DPP10: variants seen among roughly 807,000 people sequenced by gnomAD.
DPP10 encodes inactive dipeptidyl peptidase 10.
DPP10 carries 33 observed loss-of-function variants against 120.9 expected under a neutral mutation model. That is an observed-to-expected ratio of 0.27 (90% CI 0.21 to 0.37). DPP10 has a LOEUF of 0.37. Ranked by LOEUF, DPP10 falls within the 10% of genes least tolerant of loss-of-function variation. The pLI, the probability that DPP10 is intolerant of heterozygous loss-of-function variation, is 1.00. For synonymous variants in DPP10, 337 were observed against 326.1 expected, an observed-to-expected ratio of 1.03 and a Z score of -0.36; for missense variants, 816 against 942.8, an observed-to-expected ratio of 0.87 and a Z score of 1.76.
At chr2:115,134,489 G>A (rs1462026836) in intron 1 of DPP10, among the ~76,000 whole-genome samples, 1 of 152,142 alleles carries the variant, frequency 6.6e-6, no homozygotes, top group Non-Finnish European at 1.5e-5. Flanking sequence ...AAAACTGAGT[G>A]AGGAGGAAGT....
intron 3 of DPP10, among the ~76,000 whole-genome samples, chr2:115,416,663 GATTA>G (rs1294797132): frequency 1.3e-5 from 2 of 152,038 alleles, no homozygotes; most frequent in Non-Finnish European, 1.5e-5. Context: ...TCCATTAATC[GATTA>G]ATTAAACAAG....
intron 1 of DPP10, among the ~76,000 whole-genome samples, chr2:114,534,618 A>G (rs1686330077): frequency 6.6e-6 from 1 of 152,136 alleles, no homozygotes; most frequent in East Asian, 1.9e-4. Context: ...TTATTTTTAC[A>G]TAGTTACTTA....
chr2:115,638,081 A>T (rs996744074), intron 5 of DPP10, among the ~76,000 whole-genome samples: 1 of 152,202 alleles, frequency 6.6e-6, no homozygotes, highest in Non-Finnish European at 1.5e-5. Flanking sequence ...AAGATTTGTG[A>T]AATCTCTAGA....
chr2:114,815,523 C>T (rs1466382801), intron 1 of DPP10, among the ~76,000 whole-genome samples: 1 of 152,094 alleles, frequency 6.6e-6, no homozygotes, highest in Non-Finnish European at 1.5e-5. Context: ...ATGTAGTATA[C>T]TTTTTAAGTT....
intron 3 of DPP10, among the ~76,000 whole-genome samples, chr2:115,490,229 T>A (rs1475715390): frequency 6.6e-6 from 1 of 152,148 alleles, no homozygotes; most frequent in Non-Finnish European, 1.5e-5. Flanking sequence ...TCTGCATGGC[T>A]AAGGAGGCCT....
intron 5 of DPP10, among the ~76,000 whole-genome samples, chr2:115,544,941 G>A (rs1360975197): frequency 6.6e-6 from 1 of 152,034 alleles, no homozygotes; most frequent in African/African-American, 2.4e-5. Context: ...CTTGACTGCT[G>A]CCTAAGTTGT....
intron 5 of DPP10, among the ~76,000 whole-genome samples, chr2:115,534,380 G>T (rs1334002362): frequency 1.3e-5 from 2 of 151,076 alleles, no homozygotes; most frequent in South Asian, 4.2e-4. Context: ...TTGTTCTTGC[G>T]ATAGTTTACT....
At chr2:115,387,977 G>A (rs947447705) in intron 3 of DPP10, among the ~76,000 whole-genome samples, 1 of 152,196 alleles carries the variant, frequency 6.6e-6, no homozygotes, top group Non-Finnish European at 1.5e-5. Context: ...TGGTGACCAA[G>A]TGACATTGCC....
rs533140411 is a variant in DPP10, at chr2:115,796,552, A to G, written c.1700+5196A>G. Among the ~76,000 whole-genome samples the G allele has an allele frequency of 1.2e-4, 19 of 152,126 alleles. 1 individual carries two copies. The South Asian group carries it at 2.1e-3, about 17-fold the overall frequency. On this transcript the variant is annotated intron_variant, in intron 19 of 25. Transcript: ENST00000410059. ...TTGTGAGTTTATAATTGATTTCTGT[A>G]TGGGTCCATTTCTCTGCAATTTAGT...
chr2:115,608,019 T>A (rs774547034), intron 5 of DPP10, among the ~76,000 whole-genome samples: 3 of 152,098 alleles, frequency 2.0e-5, no homozygotes, highest in Non-Finnish European at 4.4e-5. Context: ...ATAATACTTT[T>A]CTTTCTATGG....
intron 1 of DPP10, among the ~76,000 whole-genome samples, chr2:114,886,499 T>C (rs536350175): frequency 3.3e-4 from 50 of 152,332 alleles, no homozygotes; most frequent in Non-Finnish European, 5.9e-4. Flanking sequence ...ATAGAATTTA[T>C]CTATGCAGCA....
chr2:114,756,507 C>T (rs917619712), intron 1 of DPP10, among the ~76,000 whole-genome samples: 10 of 152,290 alleles, frequency 6.6e-5, no homozygotes, highest in African/African-American at 1.9e-4. Flanking sequence ...TCATCCAATC[C>T]GAATGCTTCT....
At chr2:115,101,128 T>C (rs556459068) in intron 1 of DPP10, among the ~76,000 whole-genome samples, 4 of 152,302 alleles carry the variant, frequency 2.6e-5, no homozygotes, top group African/African-American at 9.6e-5. Context: ...GGGATTTTGA[T>C]GTAATAGTGA....
intron 3 of DPP10, among the ~76,000 whole-genome samples, chr2:115,474,743 A>T (rs1249691538): frequency 2.1e-5 from 3 of 142,302 alleles, no homozygotes; most frequent in Non-Finnish European, 3.1e-5. Flanking sequence ...AAAAAAAAAA[A>T]GCCCATTTAA....
chr2:115,286,631 G>T (rs1196269133), intron 1 of DPP10, among the ~76,000 whole-genome samples: 3 of 146,122 alleles, frequency 2.1e-5, no homozygotes, highest in African/African-American at 7.5e-5. Context: ...AGATTGTGGG[G>T]TGTGTGTCGA....
chr2:114,750,742 G>T (rs550285793), intron 1 of DPP10, among the ~76,000 whole-genome samples: 4 of 148,580 alleles, frequency 2.7e-5, no homozygotes, highest in East Asian at 2.0e-4. Flanking sequence ...ATGCTGGCTG[G>T]CTGGCTTTCA....
intron 1 of DPP10, among the ~76,000 whole-genome samples, chr2:114,785,745 G>A (rs1036947886): frequency 6.6e-6 from 1 of 152,104 alleles, no homozygotes; most frequent in Non-Finnish European, 1.5e-5. Flanking sequence ...GGGAGCTGAA[G>A]ACTTTGTACA....
intron 1 of DPP10, among the ~76,000 whole-genome samples, chr2:114,921,486 G>C (rs941514884): frequency 6.6e-6 from 1 of 152,126 alleles, no homozygotes; most frequent in Non-Finnish European, 1.5e-5. Context: ...GTTCATCCCA[G>C]TTATATACAT....
chr2:114,677,610 G>T (rs187411952), intron 1 of DPP10, among the ~76,000 whole-genome samples: 45 of 152,190 alleles, frequency 3.0e-4, no homozygotes, highest in Admixed American at 1.8e-3. Flanking sequence ...CTGACAAGCA[G>T]GGATTAAAGA....
Sources: gnomAD v4.1 joint callset for allele counts (sites outside exome capture counted in the v4.1 genomes callset) on GRCh38, gnomAD v4.1.1 for gene constraint, MANE v1.5 for transcripts, NCBI Gene and HGNC (gene_info 2026-07-23, HGNC 2026-07-21) for gene names.